Variants in MAP3K5 observed in about 807,000 individuals in gnomAD.
The protein encoded by MAP3K5 is ASK-1.
In MAP3K5, 56 loss-of-function variants were observed where a neutral mutation model predicts 158.7. The ratio of observed to expected loss-of-function variants is 0.35; its 90% CI spans 0.28 to 0.44. The LOEUF (loss-of-function observed/expected upper bound fraction) is 0.44, where lower values mean the gene tolerates loss of function less well. MAP3K5 is among the 20% of genes least tolerant of loss of function. The pLI is 1.00. For missense variants in MAP3K5, 1,294 were observed against 1,674.8 expected (o/e 0.77, Z 3.97); for synonymous variants, 579 against 601.7 (o/e 0.96, Z 0.55).
rs111816072 is a variant in MAP3K5 at position 136,764,489 on chromosome 6, G to A, written c.448+27221C>T. Among the ~76,000 whole-genome samples the A allele has an allele frequency of 4.3e-3, 662 of 152,298 alleles. 6 individuals carry two copies. The highest frequency in any genetic ancestry group is 0.014 in the African/African-American group (589 of 41,568). ...ACAGCCCACACCACCTTCCAGTCAT[G>A]GGAATGAACCTTATTGGATGTTCCA... On this transcript the variant is annotated intron_variant, in intron 1 of 29. Coordinates refer to ENST00000359015, the MANE Select transcript of MAP3K5 (RefSeq NM_005923.4).
At chr6:136,681,346 T>C (rs17065582) in intron 7 of MAP3K5, among the ~76,000 whole-genome samples, 3,169 of 152,284 alleles carry the variant, frequency 0.021, 109 homozygotes, top group African/African-American at 0.071. Context: ...TAAATACTCT[T>C]ATTCTGGCCA....
chr6:136,579,927 A>AT (rs1370726753), intron 25 of MAP3K5: 19 of 455,442 alleles, frequency 4.2e-5, no homozygotes, highest in Admixed American at 7.2e-5. Context: ...GAGCTATGCA[A>AT]TACCTCCTTA....
rs985070917 is a variant in MAP3K5, at chr6:136,628,412, G to GT, written c.2017-5432dup. On this transcript the variant is annotated intron_variant, in intron 14 of 29. Coordinates refer to ENST00000359015, the MANE Select transcript of MAP3K5 (RefSeq NM_005923.4). Reference sequence around the variant, plus strand: ...CAGGTGGGAGCCATCATACTCAGCAGTTTTTTTTTTTAAAGAGATGGAGTC... The same window carrying GT: ...CAGGTGGGAGCCATCATACTCAGCAGTTTTTTTTTTTTAAAGAGATGGAGTC... 8.2e-3 allele frequency among the ~76,000 whole-genome samples: 1,201 copies of GT among 146,618 alleles called. 8 individuals carry two copies. Among genetic ancestry groups the GT allele is most frequent in the African/African-American group, 0.023 (922 of 40,246 alleles).
At chr6:136,608,596 AAGAT>A (rs1201961358) in intron 18 of MAP3K5, among the ~76,000 whole-genome samples, 1 of 151,804 alleles carries the variant, frequency 6.6e-6, no homozygotes, top group East Asian at 1.9e-4. Context: ...GGTTTGGGAG[AAGAT>A]AATTAATTCC....
In MAP3K5 at chr6:136,720,592, G is replaced by A. The variant is rs979121425; in HGVS notation, c.449-3C>T. Reference sequence around the variant, plus strand: ...GCTCATCTCCACCACCGCAATATCTGCAAACAGAAAACAAAGTCCCCCAAA... The same window carrying A: ...GCTCATCTCCACCACCGCAATATCTACAAACAGAAAACAAAGTCCCCCAAA... On this transcript the variant is annotated splice_polypyrimidine_tract_variant and splice_region_variant and intron_variant, in intron 1 of 29. Transcript: ENST00000359015. 3 of 1,602,600 alleles carry A rather than the reference G, an allele frequency of 1.9e-6. No individual in the cohort carries two copies. Among genetic ancestry groups the A allele is most frequent in the African/African-American group, 2.7e-5 (2 of 74,336 alleles).
At chr6:136,611,168 A>ACCAACATT in intron 18 of MAP3K5, 114 bp downstream of exon 18, 1 of 507,386 alleles carries the variant, frequency 2.0e-6, no homozygotes. Flanking sequence ...GAAAAAAGAT[A>ACCAACATT]CCAACATTAC....
At chr6:136,739,210 A>C (rs891100041) in intron 1 of MAP3K5, among the ~76,000 whole-genome samples, 1 of 152,168 alleles carries the variant, frequency 6.6e-6, no homozygotes, top group Non-Finnish European at 1.5e-5. Context: ...ATCAGTAGTC[A>C]GTGCTGACCA....
rs1410444091 is a variant in MAP3K5, at chr6:136,613,920, T to C, written c.2278+239A>G. On this transcript the variant is annotated intron_variant, in intron 16 of 29. Transcript: ENST00000359015. This position sits in a 1 kb window ranked among gnomAD's most constrained non-coding sequence, Gnocchi z 4.0. Reference sequence around the variant, plus strand: ...CACTGGCCCATTCTTTTGGAGTCTGTGTTTCCTGGGTGGCTATCCTCAAGC... The same window carrying C: ...CACTGGCCCATTCTTTTGGAGTCTGCGTTTCCTGGGTGGCTATCCTCAAGC... Among the ~76,000 whole-genome samples, 1 of 152,194 alleles carries C rather than the reference T, an allele frequency of 6.6e-6. No homozygotes were observed. The highest frequency in any genetic ancestry group is 1.5e-5 in the Non-Finnish European group (1 of 68,006).
intron 2 of MAP3K5, among the ~76,000 whole-genome samples, chr6:136,714,852 A>G (rs1029097079): frequency 2.0e-5 from 3 of 152,164 alleles, no homozygotes; most frequent in Non-Finnish European, 4.4e-5. Flanking sequence ...TGCACCTAAG[A>G]TTTCATGCTA....
intron 1 of MAP3K5, among the ~76,000 whole-genome samples, chr6:136,771,125 C>T (rs571228653): frequency 6.6e-6 from 1 of 152,152 alleles, no homozygotes; most frequent in East Asian, 1.9e-4. Flanking sequence ...GCTTAACCTA[C>T]AGCTCTGAGG....
At chr6:136,581,077 G>C (rs1774854108) in intron 24 of MAP3K5, among the ~76,000 whole-genome samples, 1 of 152,118 alleles carries the variant, frequency 6.6e-6, no homozygotes, top group Non-Finnish European at 1.5e-5. Flanking sequence ...TCTTTATCTT[G>C]CAAAACTAAA....
At chr6:136,757,365 C>A (rs1406071145) in intron 1 of MAP3K5, among the ~76,000 whole-genome samples, 2 of 152,128 alleles carry the variant, frequency 1.3e-5, no homozygotes, top group Non-Finnish European at 2.9e-5. Flanking sequence ...AGAGTCAGGG[C>A]TGGGTCTTTG....
chr6:136,712,320 C>T (rs1781343015), intron 2 of MAP3K5, among the ~76,000 whole-genome samples: 1 of 151,776 alleles, frequency 6.6e-6, no homozygotes, highest in African/African-American at 2.4e-5. Flanking sequence ...GTAGCTGGGA[C>T]TACAGGCACG....
intron 26 of MAP3K5, among the ~76,000 whole-genome samples, chr6:136,566,973 T>G (rs576966721): frequency 6.6e-6 from 1 of 152,314 alleles, no homozygotes; most frequent in South Asian, 2.1e-4. Flanking sequence ...TTCCCACATG[T>G]CAACTGTAGG....
intron 28 of MAP3K5, among the ~76,000 whole-genome samples, 154 bp from the exon 29 acceptor site, chr6:136,559,030 G>A (rs913067136): frequency 2.0e-5 from 3 of 152,092 alleles, no homozygotes; most frequent in Non-Finnish European, 4.4e-5. Flanking sequence ...TAGGGGAAAG[G>A]CCTCCCTGTT....
rs140427970 is a variant in MAP3K5 at position 136,686,034 on chromosome 6, G to A, written c.1253+8106C>T. Among the ~76,000 whole-genome samples the A allele has an allele frequency of 1.5e-3, 229 of 152,284 alleles. 1 individual carries two copies. The highest frequency in any genetic ancestry group is 5.1e-3 in the African/African-American group (213 of 41,560). ...AAGAAATACCAAAATAGCTTTATAA[G>A]CAAGAGCATGAAAAGGCATCCATTT... is the stretch of plus-strand genomic sequence containing the variant. On this transcript the variant is annotated intron_variant, in intron 7 of 29. Transcript: ENST00000359015.
chr6:136,720,614 C>T, intron 1 of MAP3K5, 25 bp from the exon 2 acceptor site: 1 of 1,589,154 alleles, frequency 6.3e-7, no homozygotes, highest in Non-Finnish European at 8.6e-7. Context: ...CAAAGTCCCC[C>T]AAAGAATGAC....
At chr6:136,744,200 A>G (rs1009720801) in intron 1 of MAP3K5, among the ~76,000 whole-genome samples, 2 of 152,114 alleles carry the variant, frequency 1.3e-5, no homozygotes, top group Admixed American at 1.3e-4. Context: ...AGGTTCACCA[A>G]TTGTAACAAA....
At chr6:136,743,037 C>T (rs1415736434) in intron 1 of MAP3K5, among the ~76,000 whole-genome samples, 2 of 152,010 alleles carry the variant, frequency 1.3e-5, no homozygotes, top group Non-Finnish European at 2.9e-5. Flanking sequence ...CTGCAGTGAG[C>T]TATGCTCATG....
Sources: allele counts gnomAD v4.1 joint callset (sites outside exome capture counted in the v4.1 genomes callset), GRCh38; gene constraint gnomAD v4.1.1; non-coding constraint Gnocchi (gnomAD v3.1); transcripts MANE v1.5; gene names NCBI Gene and HGNC (gene_info 2026-07-23, HGNC 2026-07-21).